RASA4: variants seen among roughly 807,000 people sequenced by gnomAD.
RASA4 encodes the protein ras GTPase-activating protein 4.
Under a neutral mutation model 24.0 loss-of-function variants are expected in RASA4, and 5 were observed. That is an observed-to-expected ratio of 0.21 (90% confidence interval 0.11 to 0.44). The LOEUF is 0.44. Among genes scored for constraint, RASA4 ranks in the 20% least tolerant of loss-of-function variants. The probability of loss-of-function intolerance (pLI) is 0.99; values close to 1 mark genes in which losing one functional copy is unlikely to be tolerated. For missense variants in RASA4, 38 were observed against 293.0 expected, an observed-to-expected ratio of 0.13 and a Z score of 6.35; for synonymous variants, 9 against 132.7, an observed-to-expected ratio of 0.07 and a Z score of 6.41.
chr7:102,611,924 ACCT>A (rs1452240069), intron 1 of RASA4: 1 of 119,106 alleles, frequency 8.4e-6, no homozygotes, highest in African/African-American at 2.9e-5. Context: ...GGTACTGGAA[ACCT>A]CCTGTTCCTC....
Position 102,599,958 on chromosome 7 carries a change from G to C in RASA4, c.643-4C>G, listed in dbSNP as rs1400128703. ...GTCTCTGGACATCAATCACCACCTG[G>C]GGACATAGTGGCAGTTTTCCTGGAG... On this transcript the variant is annotated splice_polypyrimidine_tract_variant and splice_region_variant and intron_variant, in intron 7 of 20. Coordinates refer to ENST00000262940, the MANE Select transcript of RASA4 (RefSeq NM_006989.6). 1.5e-4 allele frequency: 18 copies of C among 122,462 alleles called. No homozygotes were observed. The highest frequency in any genetic ancestry group is 2.3e-4 in the Non-Finnish European group (16 of 69,254). 7.6% of individuals were successfully genotyped at this position (122,462 alleles called of 1,614,324 possible). A position where few individuals can be genotyped will look rare whatever the true frequency, so the allele number is the denominator to read the frequency against.
At chr7:102,603,022 G>A (rs1262701028) in intron 5 of RASA4, among the ~76,000 whole-genome samples, 3 of 148,674 alleles carry the variant, frequency 2.0e-5, no homozygotes, top group Non-Finnish European at 4.5e-5. Flanking sequence ...GTGTAATGGT[G>A]CAATCTTAGC....
chr7:102,597,412 ATTC>A (rs1262008998), intron 8 of RASA4, among the ~76,000 whole-genome samples: 10 of 7,812 alleles, frequency 1.3e-3, no homozygotes, highest in Admixed American at 2.8e-3. Context: ...GTGCATGGTC[ATTC>A]TTCTTCTTTA....
chr7:102,590,673 G>C (rs1241716312), intron 16 of RASA4, among the ~76,000 whole-genome samples: 1 of 143,178 alleles, frequency 7.0e-6, no homozygotes, highest in Non-Finnish European at 1.5e-5. Context: ...GGGCGCAGTG[G>C]CTCACACATG....
At chr7:102,590,635 C>A (rs1789933745) in intron 16 of RASA4, among the ~76,000 whole-genome samples, 2 of 136,948 alleles carry the variant, frequency 1.5e-5, no homozygotes, top group Non-Finnish European at 3.1e-5. Flanking sequence ...CTTTTGTAGT[C>A]CCAGGCTCTA....
chr7:102,590,942 A>G (rs1387080616), intron 16 of RASA4, among the ~76,000 whole-genome samples: 40 of 145,506 alleles, frequency 2.7e-4, no homozygotes, highest in African/African-American at 1.0e-3. Context: ...CTCCATCTCA[A>G]AAAAAAAAAA....
intron 8 of RASA4, among the ~76,000 whole-genome samples, chr7:102,597,587 G>A (rs1381458165): frequency 9.6e-5 from 11 of 114,126 alleles, no homozygotes; most frequent in Admixed American, 1.8e-4. Flanking sequence ...CACCACATCC[G>A]GGTAATTTTT....
At chr7:102,608,278 A>ATTT (rs1790746507) in intron 4 of RASA4, among the ~76,000 whole-genome samples, 3 of 68,672 alleles carry the variant, frequency 4.4e-5, no homozygotes, top group African/African-American at 1.7e-4. Context: ...CTTTTTTTTA[A>ATTT]AAAAAAACTA....
At chr7:102,608,276 T>TTAA (rs372805684) in intron 4 of RASA4, among the ~76,000 whole-genome samples, 6,119 of 62,512 alleles carry the variant, frequency 0.098, 257 homozygotes, top group African/African-American at 0.17. Flanking sequence ...GCCTTTTTTT[T>TTAA]AAAAAAAAAC....
At chr7:102,599,364 G>A (rs373066080) in intron 8 of RASA4, among the ~76,000 whole-genome samples, 7,372 of 42,954 alleles carry the variant, frequency 0.17, 50 homozygotes, top group East Asian at 0.36. Flanking sequence ...GGGGCCGGGC[G>A]CGGTGGCTCA....
chr7:102,610,617 G>T (rs1790802155), intron 2 of RASA4, among the ~76,000 whole-genome samples: 2 of 152,088 alleles, frequency 1.3e-5, no homozygotes, highest in South Asian at 4.2e-4. Flanking sequence ...TCAGGCTCTG[G>T]GGTGGCCAGA....
At chr7:102,597,707 A>C (rs1790282456) in intron 8 of RASA4, among the ~76,000 whole-genome samples, 2 of 142,058 alleles carry the variant, frequency 1.4e-5, no homozygotes, top group African/African-American at 2.5e-5. Flanking sequence ...TACAGGCATG[A>C]GCCACCGCAC....
At chr7:102,603,713 A>G (rs1485683652) in intron 5 of RASA4, among the ~76,000 whole-genome samples, 1 of 152,274 alleles carries the variant, frequency 6.6e-6, no homozygotes, top group East Asian at 1.9e-4. Flanking sequence ...GCTCATTCCT[A>G]TAATCCCAGC....
chr7:102,616,426 TC>T, intron 1 of RASA4, 198 bp downstream of exon 1: 2 of 757,546 alleles, frequency 2.6e-6, no homozygotes, highest in Non-Finnish European at 3.9e-6. Flanking sequence ...CGGTGACACT[TC>T]CCCGCCCCCC....
rs1437662707 is a variant in RASA4, at chr7:102,605,873, G to A, written c.413C>T (p.Ser138Phe). Residue 138 changes from serine to phenylalanine, a missense_variant, in exon 5 of 21, where the codon TCT becomes TTT. Transcript: ENST00000262940. ...TGAGTCTCACCTGGCCTCCAGCACA[G>A]AGCAGCGTAGCCGGCAGGCCCGGGC... ...PGARACRLRC[S>F]VLEARDLAPK... The A allele has an allele frequency of 1.3e-6, 2 of 1,569,882 alleles. No individual in the cohort carries two copies. Among genetic ancestry groups the A allele is most frequent in the African/African-American group, 2.7e-5 (2 of 74,458 alleles).
intron 16 of RASA4, among the ~76,000 whole-genome samples, chr7:102,591,803 A>G (rs1343426067): frequency 6.8e-6 from 1 of 147,314 alleles, no homozygotes; most frequent in African/African-American, 2.5e-5. Context: ...ATCCTCAACA[A>G]CCTGGTAAGG....
intron 16 of RASA4, among the ~76,000 whole-genome samples, chr7:102,591,749 T>C (rs1790006372): frequency 6.7e-6 from 1 of 150,254 alleles, no homozygotes; most frequent in Non-Finnish European, 1.5e-5. Context: ...TAGTACTACC[T>C]GCCAGGCCCT....
chr7:102,603,639 T>C (rs1380390457), intron 5 of RASA4, among the ~76,000 whole-genome samples: 2 of 152,264 alleles, frequency 1.3e-5, no homozygotes, highest in Non-Finnish European at 2.9e-5. Context: ...AAGCCTCTCA[T>C]ACCTGCCTTT....
At chr7:102,610,416 T>G (rs1790788803) in intron 2 of RASA4, among the ~76,000 whole-genome samples, 3 of 134,486 alleles carry the variant, frequency 2.2e-5, no homozygotes, top group African/African-American at 2.7e-5. Context: ...GAAGCAGGAG[T>G]CTGGGTGAAG....
Sources: gnomAD v4.1 joint callset for allele counts (sites outside exome capture counted in the v4.1 genomes callset) on GRCh38, gnomAD v4.1.1 for gene constraint, MANE v1.5 for transcripts, NCBI Gene and HGNC (gene_info 2026-07-23, HGNC 2026-07-21) for gene names.